LEMD3: variants seen among roughly 807,000 people sequenced by gnomAD.
The protein encoded by LEMD3 is inner nuclear membrane protein Man1.
Under a neutral mutation model 95.2 loss-of-function variants are expected in LEMD3, and 33 were observed. The ratio of observed to expected loss-of-function variants is 0.35; its 90% CI spans 0.26 to 0.46. The LOEUF (loss-of-function observed/expected upper bound fraction) is 0.46. Ranked by LOEUF, LEMD3 falls within the 20% of genes least tolerant of loss-of-function variation. The pLI is 1.00. For synonymous variants in LEMD3, 525 were observed against 474.6 expected (o/e 1.11, Z -1.38); for missense variants, 1,210 against 1,192.8 (o/e 1.01, Z -0.21).
intron 12 of LEMD3, 60 bp downstream of exon 12, chr12:65,245,999 A>C: frequency 7.3e-7 from 1 of 1,377,652 alleles, no homozygotes; most frequent in Non-Finnish European, 1.0e-6. Context: ...ATTTTAAACT[A>C]TACCAGATTT....
At chr12:65,194,864 T>TTATAATTTAGATTATAATTTATAAAA (rs1869375221) in intron 1 of LEMD3, among the ~76,000 whole-genome samples, 2 of 144,840 alleles carry the variant, frequency 1.4e-5, no homozygotes, top group African/African-American at 2.5e-5. Context: ...AATTTATAAA[T>TTATAATTTAGATTATAATTTATAAAA]TATAATTTAG....
chr12:65,191,269 A>C (rs1224855110), intron 1 of LEMD3, among the ~76,000 whole-genome samples: 1 of 152,086 alleles, frequency 6.6e-6, no homozygotes, highest in Non-Finnish European at 1.5e-5. Flanking sequence ...CAGAGTAAAA[A>C]TTATCTCTGG....
At chr12:65,188,974 C>T (rs1291747198) in intron 1 of LEMD3, among the ~76,000 whole-genome samples, 2 of 152,058 alleles carry the variant, frequency 1.3e-5, no homozygotes, top group Admixed American at 1.3e-4. Flanking sequence ...TTTCAAGACT[C>T]CCATTACTCC....
chr12:65,224,617 C>G (rs972732447), intron 4 of LEMD3, among the ~76,000 whole-genome samples: 1 of 151,926 alleles, frequency 6.6e-6, no homozygotes, highest in Non-Finnish European at 1.5e-5. Context: ...TGGGGACTCC[C>G]TTGTATGTGA....
At chr12:65,225,947 T>A (rs549600229) in intron 4 of LEMD3, among the ~76,000 whole-genome samples, 8 of 152,140 alleles carry the variant, frequency 5.3e-5, no homozygotes, top group Non-Finnish European at 1.2e-4. Flanking sequence ...GCATTTTGAA[T>A]CAGGTGAGGC....
intron 4 of LEMD3, among the ~76,000 whole-genome samples, chr12:65,235,518 G>A (rs1479156894): frequency 6.6e-6 from 1 of 151,694 alleles, no homozygotes; most frequent in Non-Finnish European, 1.5e-5. Flanking sequence ...AATCTTAGTG[G>A]CAATAAAAAG....
intron 1 of LEMD3, among the ~76,000 whole-genome samples, chr12:65,193,073 G>A (rs1869294852): frequency 6.6e-6 from 1 of 152,156 alleles, no homozygotes; most frequent in Non-Finnish European, 1.5e-5. Flanking sequence ...GCAGCGGAAC[G>A]TATCAGAGAC....
At chr12:65,207,046 C>T (rs943532202) in intron 1 of LEMD3, among the ~76,000 whole-genome samples, 2 of 152,068 alleles carry the variant, frequency 1.3e-5, no homozygotes, top group African/African-American at 2.4e-5. Flanking sequence ...CAACATGTCT[C>T]AATATTTCTG....
chr12:65,179,315 CTAAAA>C (rs1259593323), intron 1 of LEMD3, among the ~76,000 whole-genome samples: 3 of 151,952 alleles, frequency 2.0e-5, no homozygotes, highest in Non-Finnish European at 4.4e-5. Flanking sequence ...TTCAGGGACA[CTAAAA>C]TAATCATGAA....
At chr12:65,241,145 T>A in intron 9 of LEMD3, 58 bp downstream of exon 9, 1 of 1,438,838 alleles carries the variant, frequency 7.0e-7, no homozygotes, top group Admixed American at 1.7e-5. Flanking sequence ...AAATGACAAA[T>A]ATGTGTTAAG....
intron 1 of LEMD3, among the ~76,000 whole-genome samples, chr12:65,208,441 G>C (rs1869829691): frequency 6.6e-6 from 1 of 152,056 alleles, no homozygotes; most frequent in Non-Finnish European, 1.5e-5. Context: ...GCAAATTTTT[G>C]CTGTGGGATG....
intron 2 of LEMD3, among the ~76,000 whole-genome samples, chr12:65,215,479 C>A (rs939665564): frequency 6.6e-6 from 1 of 152,118 alleles, no homozygotes; most frequent in Non-Finnish European, 1.5e-5. Flanking sequence ...ATGTTTGTTT[C>A]ATTTTAACAG....
intron 2 of LEMD3, among the ~76,000 whole-genome samples, chr12:65,213,294 C>T (rs1286805780): frequency 1.3e-5 from 2 of 152,206 alleles, no homozygotes; most frequent in Admixed American, 6.5e-5. Flanking sequence ...GGCATGATCA[C>T]GACTCACTGC....
chr12:65,244,696 C>G lies in LEMD3; in HGVS notation c.2388-973C>G, dbSNP rs891491041. ...GGCACAGTGGCTCACACCTATAATC[C>G]CAGTGCTTTGGGAAGCCGAGGTGGG... On this transcript the variant is annotated intron_variant, in intron 10 of 12. Coordinates refer to ENST00000308330, the MANE Select transcript of LEMD3 (RefSeq NM_014319.5). 5.3e-5 allele frequency among the ~76,000 whole-genome samples: 8 copies of G among 152,138 alleles called. No homozygotes were observed. In the East Asian group the frequency reaches 1.5e-3, roughly 29 times the overall value.
At chr12:65,185,542 CAT>C (rs1230032672) in intron 1 of LEMD3, among the ~76,000 whole-genome samples, 2 of 151,784 alleles carry the variant, frequency 1.3e-5, no homozygotes, top group African/African-American at 4.8e-5. Flanking sequence ...AGAATTTGGT[CAT>C]ATTTTCTTAA....
chr12:65,234,322 G>T (rs1382054652), intron 4 of LEMD3, among the ~76,000 whole-genome samples: 2 of 152,162 alleles, frequency 1.3e-5, no homozygotes, highest in African/African-American at 4.8e-5. Flanking sequence ...ACCAACCCCT[G>T]CCGTGCCCAC....
intron 1 of LEMD3, among the ~76,000 whole-genome samples, chr12:65,194,900 AAT>A (rs1869381607): frequency 2.5e-5 from 1 of 40,582 alleles, no homozygotes; most frequent in Non-Finnish European, 4.2e-5. Context: ...ATTAAAATAA[AAT>A]AATTATTAAA....
chr12:65,227,563 A>G lies in LEMD3; in HGVS notation c.1695+8944A>G, dbSNP rs142973575. Among the ~76,000 whole-genome samples, 511 of 152,296 alleles carry G rather than the reference A, an allele frequency of 3.4e-3. 1 individual carries two copies. The highest frequency in any genetic ancestry group is 0.012 in the African/African-American group (493 of 41,554). On this transcript the variant is annotated intron_variant, in intron 4 of 12. Transcript: ENST00000308330. ...ACATATAACCTATGCATATCCTGCT[A>G]TATACCTTAAATCTTCTCTAGATTA...
chr12:65,205,912 C>T (rs1429709117), intron 1 of LEMD3, among the ~76,000 whole-genome samples: 3 of 152,046 alleles, frequency 2.0e-5, no homozygotes, highest in Non-Finnish European at 2.9e-5. Flanking sequence ...GTTAAGTATA[C>T]ATCAAGGGAA....
Sources: gnomAD v4.1 joint callset for allele counts (sites outside exome capture counted in the v4.1 genomes callset) on GRCh38, gnomAD v4.1.1 for gene constraint, MANE v1.5 for transcripts, NCBI Gene and HGNC (gene_info 2026-07-23, HGNC 2026-07-21) for gene names.